PCDH15: variants seen among roughly 807,000 people sequenced by gnomAD.
PCDH15 encodes the protein protocadherin-15.
A neutral mutation model predicts 178.5 loss-of-function variants in PCDH15; 129 were observed. That is an observed-to-expected ratio of 0.72 (90% CI 0.63 to 0.84). The LOEUF is 0.84. Ranked by LOEUF, PCDH15 falls within the 40% of genes least tolerant of loss-of-function variation. The pLI is 0.00. For missense variants in PCDH15, 2,230 were observed against 2,099.9 expected (o/e 1.06, Z -1.21); for synonymous variants, 800 against 732.0 (o/e 1.09, Z -1.50).
intron 3 of PCDH15, among the ~76,000 whole-genome samples, chr10:54,389,460 G>A (rs1336742130): frequency 6.6e-6 from 1 of 152,176 alleles, no homozygotes; most frequent in Non-Finnish European, 1.5e-5. Context: ...CCGTCTAGTT[G>A]ATGCTGCTTG....
At chr10:54,041,803 T>C (rs186970648) in intron 18 of PCDH15, among the ~76,000 whole-genome samples, 298 of 152,202 alleles carry the variant, frequency 2.0e-3, no homozygotes, top group Admixed American at 2.8e-3. Context: ...GTTTTCACAC[T>C]GTCAGGAAGT....
At chr10:55,267,365 GA>G in intron 1 of PCDH15, among the ~76,000 whole-genome samples, 1 of 152,200 alleles carries the variant, frequency 6.6e-6, no homozygotes, top group Middle Eastern at 3.4e-3. Context: ...TGCAATTTCA[GA>G]TAATTGTTTC....
At chr10:55,130,929 A>T (rs1041202941) in intron 2 of PCDH15, among the ~76,000 whole-genome samples, 8 of 152,164 alleles carry the variant, frequency 5.3e-5, no homozygotes, top group Admixed American at 3.3e-4. Context: ...TTTTATATGG[A>T]TCAGTGTGAA....
At chr10:55,360,076 C>T (rs975514891) in intron 2 of PCDH15, among the ~76,000 whole-genome samples, 6 of 151,906 alleles carry the variant, frequency 3.9e-5, no homozygotes, top group Non-Finnish European at 7.4e-5. Flanking sequence ...ATAGTAACTA[C>T]AGTTGATAAC....
chr10:55,090,947 A>G (rs1449710385), intron 2 of PCDH15, among the ~76,000 whole-genome samples: 1 of 152,040 alleles, frequency 6.6e-6, no homozygotes, highest in Non-Finnish European at 1.5e-5. Flanking sequence ...TTATAGTAGA[A>G]TATCTATTAG....
chr10:54,747,504 A>G (rs1022763176), intron 1 of PCDH15, among the ~76,000 whole-genome samples: 8 of 152,202 alleles, frequency 5.3e-5, no homozygotes, highest in East Asian at 1.9e-4. Flanking sequence ...AAAGAGGAAA[A>G]TGTTCCACAT....
chr10:53,972,460 CT>C (rs2089801713), intron 21 of PCDH15, among the ~76,000 whole-genome samples: 1 of 152,132 alleles, frequency 6.6e-6, no homozygotes, highest in Non-Finnish European at 1.5e-5. Flanking sequence ...AACTAAAGAG[CT>C]TCTGCACAGC....
At chr10:55,284,175 C>T (rs921821552) in intron 1 of PCDH15, among the ~76,000 whole-genome samples, 7 of 146,102 alleles carry the variant, frequency 4.8e-5, no homozygotes, top group African/African-American at 8.4e-5. Flanking sequence ...AGTTATGTGT[C>T]CTTTAGATAG....
At chr10:55,165,502 C>G (rs1007527778) in intron 2 of PCDH15, among the ~76,000 whole-genome samples, 3 of 151,686 alleles carry the variant, frequency 2.0e-5, no homozygotes, top group Admixed American at 1.3e-4. Context: ...CTCCACAAAT[C>G]CCCCTGCAAA....
chr10:54,108,851 T>C (rs1384681807), intron 15 of PCDH15, among the ~76,000 whole-genome samples: 2 of 152,170 alleles, frequency 1.3e-5, no homozygotes, highest in African/African-American at 4.8e-5. Context: ...CATTTCAGGT[T>C]CTACCTCATG....
At chr10:54,048,247 CTTAT>C (rs1420244047) in intron 18 of PCDH15, among the ~76,000 whole-genome samples, 5 of 151,696 alleles carry the variant, frequency 3.3e-5, no homozygotes, top group African/African-American at 1.2e-4. Flanking sequence ...TTTTAATGGC[CTTAT>C]TTCTTTTTTG....
At chr10:55,604,511 C>A (rs1275933384) in intron 2 of PCDH15, among the ~76,000 whole-genome samples, 1 of 145,336 alleles carries the variant, frequency 6.9e-6, no homozygotes, top group South Asian at 2.2e-4. Flanking sequence ...CTCTCCTCAG[C>A]AAATGTAAAA....
chr10:54,732,766 A>G (rs181821934), intron 1 of PCDH15, among the ~76,000 whole-genome samples: 43 of 151,716 alleles, frequency 2.8e-4, no homozygotes, highest in Admixed American at 2.5e-3. Flanking sequence ...TCTCATGAGC[A>G]TAGATGCAGA....
At chr10:54,422,819 G>A (rs960545670) in intron 3 of PCDH15, among the ~76,000 whole-genome samples, 3 of 152,080 alleles carry the variant, frequency 2.0e-5, no homozygotes, top group Admixed American at 6.6e-5. Context: ...GGGCAGCAGA[G>A]AACTCCAGTT....
At chr10:53,849,166 T>C (rs536341874) in intron 28 of PCDH15, among the ~76,000 whole-genome samples, 13 of 152,146 alleles carry the variant, frequency 8.5e-5, no homozygotes, top group Non-Finnish European at 1.8e-4. Flanking sequence ...ATATTGATTC[T>C]GACAAAATAC....
intron 1 of PCDH15, among the ~76,000 whole-genome samples, chr10:55,222,388 A>G (rs1840902618): frequency 6.6e-6 from 1 of 151,802 alleles, no homozygotes; most frequent in Non-Finnish European, 1.5e-5. Context: ...TACATGTCAA[A>G]CTTTGTGTTA....
chr10:55,470,433 T>C (rs1391188041), intron 2 of PCDH15, among the ~76,000 whole-genome samples: 2 of 152,174 alleles, frequency 1.3e-5, no homozygotes, highest in Admixed American at 1.3e-4. Flanking sequence ...CAGAAATCCA[T>C]ATATTCTTAA....
intron 1 of PCDH15, among the ~76,000 whole-genome samples, chr10:55,166,972 C>T (rs1162663213): frequency 6.6e-6 from 1 of 152,174 alleles, no homozygotes; most frequent in East Asian, 1.9e-4. Context: ...TCTGCCATTT[C>T]ACCAGTCTTA....
intron 2 of PCDH15, among the ~76,000 whole-genome samples, chr10:55,044,065 G>T (rs892112760): frequency 2.0e-5 from 3 of 152,116 alleles, no homozygotes; most frequent in Admixed American, 2.0e-4. Context: ...AAGTCCCTCT[G>T]ATCAGACATC....
Sources: allele counts gnomAD v4.1 joint callset (sites outside exome capture counted in the v4.1 genomes callset), GRCh38; gene constraint gnomAD v4.1.1; transcripts MANE v1.5; gene names NCBI Gene and HGNC (gene_info 2026-07-23, HGNC 2026-07-21).